Variants in CHMP3 observed in about 807,000 individuals in gnomAD.
The protein encoded by CHMP3 is 25.1 protein.
Under a neutral mutation model 27.4 loss-of-function variants are expected in CHMP3, and 8 were observed. The ratio of observed to expected loss-of-function variants is 0.29; its 90% confidence interval spans 0.17 to 0.53. The LOEUF is 0.53. Among genes scored for constraint, CHMP3 ranks in the 20% least tolerant of loss-of-function variants. CHMP3 has a pLI of 0.96. For missense variants in CHMP3, 208 were observed against 271.5 expected, an observed-to-expected ratio of 0.77 and a Z score of 1.64; for synonymous variants, 86 against 85.5, an observed-to-expected ratio of 1.01 and a Z score of -0.03.
intron 3 of CHMP3, chr2:86,510,738 T>C: frequency 3.0e-6 from 1 of 333,912 alleles, no homozygotes; most frequent in Non-Finnish European, 5.4e-6. Context: ...GAAGCCACTC[T>C]TGACTTTTAG....
chr2:86,539,945 C>T (rs1215272708), intron 2 of CHMP3, among the ~76,000 whole-genome samples: 1 of 151,944 alleles, frequency 6.6e-6, no homozygotes, highest in Non-Finnish European at 1.5e-5. Context: ...TTCACCTTCA[C>T]CTATGAATGT....
At chr2:86,528,273 A>G (rs2103941734) in intron 3 of CHMP3, among the ~76,000 whole-genome samples, 1 of 152,354 alleles carries the variant, frequency 6.6e-6, no homozygotes, top group Non-Finnish European at 1.5e-5. Context: ...TGATCAATGA[A>G]GTATCTGACA....
At chr2:86,557,185 GAA>G (rs1677160371) in intron 1 of CHMP3, among the ~76,000 whole-genome samples, 1 of 152,092 alleles carries the variant, frequency 6.6e-6, no homozygotes, top group Non-Finnish European at 1.5e-5. Context: ...CTCCTTTCCT[GAA>G]TTCTCTCCAT....
At chr2:86,560,520 G>C (rs1336407553) in intron 1 of CHMP3, among the ~76,000 whole-genome samples, 2 of 151,940 alleles carry the variant, frequency 1.3e-5, no homozygotes, top group African/African-American at 4.8e-5. Context: ...GAGAACATAT[G>C]GACACAGGGA....
At chr2:86,554,806 TGTGTGCGCGC>T (rs1360543708) in intron 1 of CHMP3, among the ~76,000 whole-genome samples, 1 of 96,636 alleles carries the variant, frequency 1.0e-5, no homozygotes, top group Non-Finnish European at 2.2e-5. Context: ...AGAATAAATG[TGTGTGCGCGC>T]GTGTGTGTGT....
At chr2:86,553,460 T>G (rs900008898) in intron 1 of CHMP3, among the ~76,000 whole-genome samples, 10 of 152,084 alleles carry the variant, frequency 6.6e-5, no homozygotes, top group African/African-American at 2.2e-4. Context: ...GCCTCCCGAG[T>G]AGCTGGGATT....
rs144717705 is a variant in CHMP3 at position 86,557,607 on chromosome 2, A to T, written c.45+5697T>A. Among the ~76,000 whole-genome samples, 1,253 of 152,148 alleles carry T rather than the reference A, an allele frequency of 8.2e-3. 6 individuals carry two copies. Among genetic ancestry groups the T allele is most frequent in the Non-Finnish European group, 0.013 (870 of 67,986 alleles). On this transcript the variant is annotated intron_variant, in intron 1 of 5. Coordinates refer to ENST00000263856, the MANE Select transcript of CHMP3 (RefSeq NM_016079.4). Reference sequence around the variant, plus strand: ...GCATTTCATCCTCCAACCATTCTGAATTTTTTCCCTAGTTCCTCTAACATA... The same window carrying T: ...GCATTTCATCCTCCAACCATTCTGATTTTTTTCCCTAGTTCCTCTAACATA...
chr2:86,521,578 C>A (rs1410124679), intron 3 of CHMP3, among the ~76,000 whole-genome samples: 1 of 152,134 alleles, frequency 6.6e-6, no homozygotes, highest in Admixed American at 6.5e-5. Flanking sequence ...TGCACCATCA[C>A]TCAATCAATC....
In CHMP3 at chr2:86,554,049, A is replaced by T. The variant is rs1367423008; in HGVS notation, c.45+9255T>A. The stretch of plus-strand genomic sequence containing the variant: ...TGAGAGGTTATTAGGTCCCTTAGGA[A>T]TGGAATTAATGCCCTTATAAAATAG... On this transcript the variant is annotated intron_variant, in intron 1 of 5. Transcript: ENST00000263856. Among the ~76,000 whole-genome samples the T allele has an allele frequency of 2.0e-5, 3 of 152,162 alleles. No individual in the cohort carries two copies. In the East Asian group the frequency reaches 5.8e-4, roughly 29 times the overall value.
intron 1 of CHMP3, among the ~76,000 whole-genome samples, chr2:86,559,317 G>A (rs899799475): frequency 1.1e-4 from 16 of 152,138 alleles, no homozygotes; most frequent in Non-Finnish European, 1.8e-4. Context: ...TAGGTTCTCC[G>A]GCCTTCAACC....
intron 1 of CHMP3, among the ~76,000 whole-genome samples, chr2:86,553,441 C>T (rs183999055): frequency 2.0e-5 from 3 of 152,172 alleles, no homozygotes; most frequent in African/African-American, 4.8e-5. Flanking sequence ...AAGCAATTCT[C>T]CTGCCTCAGC....
At chr2:86,520,303 G>C (rs183505046) in intron 3 of CHMP3, among the ~76,000 whole-genome samples, 1 of 152,098 alleles carries the variant, frequency 6.6e-6, no homozygotes, top group Non-Finnish European at 1.5e-5. Context: ...TGCTTCTGGG[G>C]AGGCCTCAGT....
At chr2:86,548,822 G>C (rs939169403) in intron 1 of CHMP3, among the ~76,000 whole-genome samples, 2 of 151,090 alleles carry the variant, frequency 1.3e-5, no homozygotes, top group African/African-American at 4.9e-5. Flanking sequence ...GCCGGGCAGA[G>C]GCGCACCTCA....
intron 1 of CHMP3, among the ~76,000 whole-genome samples, chr2:86,543,219 A>C (rs1558656816): frequency 6.6e-6 from 1 of 152,222 alleles, no homozygotes; most frequent in Non-Finnish European, 1.5e-5. Flanking sequence ...GGCATTTTTT[A>C]AAAGTCCATA....
Position 86,505,277 on chromosome 2 carries a change from T to C in CHMP3, c.*527A>G, listed in dbSNP as rs1178052449. On this transcript the variant is annotated 3_prime_UTR_variant, in exon 6 of 6. Coordinates refer to ENST00000263856, the MANE Select transcript of CHMP3 (RefSeq NM_016079.4). Reference sequence around the variant, plus strand: ...AGATAAAAGAATGGCTGCCATACCATGTCTGTGAAAGCCGGGGAGCAGCAA... The same window carrying C: ...AGATAAAAGAATGGCTGCCATACCACGTCTGTGAAAGCCGGGGAGCAGCAA... 1 of 152,338 alleles carries C rather than the reference T, an allele frequency of 6.6e-6. No individual in the cohort carries two copies. Among genetic ancestry groups the C allele is most frequent in the African/African-American group, 2.4e-5 (1 of 41,436 alleles). 9.4% of individuals were successfully genotyped at this position (152,338 alleles called of 1,614,324 possible).
intron 1 of CHMP3, chr2:86,562,915 G>C (rs1424897795): frequency 1.1e-5 from 2 of 177,874 alleles, no homozygotes; most frequent in Non-Finnish European, 2.4e-5. Context: ...CTTCGGGCAG[G>C]AGAAGGTTCT....
chr2:86,510,269 T>TCCCCCC, intron 4 of CHMP3, 89 bp downstream of exon 4: 1 of 1,369,630 alleles, frequency 7.3e-7, no homozygotes. Flanking sequence ...AGTCTGTTCA[T>TCCCCCC]CCCCACCCAC....
At chr2:86,523,748 GGAT>G (rs1168596062) in intron 3 of CHMP3, among the ~76,000 whole-genome samples, 2 of 152,230 alleles carry the variant, frequency 1.3e-5, no homozygotes, top group African/African-American at 4.8e-5. Flanking sequence ...GGAAAGAAGA[GGAT>G]GATTGGGAGA....
At chr2:86,507,284 A>C (rs762768330) in intron 5 of CHMP3, 195 bp downstream of exon 5, 2 of 541,846 alleles carry the variant, frequency 3.7e-6, no homozygotes, top group Non-Finnish European at 6.6e-6. Flanking sequence ...AAACTCTAAA[A>C]ATTTTAAGAA....
Sources: gnomAD v4.1 joint callset for allele counts (sites outside exome capture counted in the v4.1 genomes callset) on GRCh38, gnomAD v4.1.1 for gene constraint, MANE v1.5 for transcripts, NCBI Gene and HGNC (gene_info 2026-07-23, HGNC 2026-07-21) for gene names.